Variants in CRAMP1 observed in about 807,000 individuals in gnomAD.
CRAMP1 encodes protein cramped-like.
Under a neutral mutation model 115.4 loss-of-function variants are expected in CRAMP1, and 50 were observed. The ratio of observed to expected loss-of-function variants is 0.43; its 90% CI spans 0.35 to 0.55. CRAMP1 has a LOEUF of 0.55. Among genes scored for constraint, CRAMP1 ranks in the 20% least tolerant of loss-of-function variants. CRAMP1 has a pLI of 0.01. For synonymous variants in CRAMP1, 866 were observed against 745.4 expected, an observed-to-expected ratio of 1.16 and a Z score of -2.64; for missense variants, 1,679 against 1,721.7, an observed-to-expected ratio of 0.98 and a Z score of 0.44.
chr16:1,667,220 C>A, intron 16 of CRAMP1, 115 bp from the exon 17 acceptor site: 1 of 758,368 alleles, frequency 1.3e-6, no homozygotes, highest in Non-Finnish European at 2.3e-6. Context: ...TGTCCCTCTG[C>A]TGTTAGGAGG....
chr16:1,626,071 T>C lies in CRAMP1; in HGVS notation c.445T>C (p.Ser149Pro). Residue 149 changes from serine (S) to proline (P), a missense_variant, in exon 3 of 21, where the codon TCT becomes CCT. Physicochemically the swap from Ser to Pro is moderately conservative, Grantham distance 74. Around this residue, in one of 8 missense-constraint regions of CRAMP1, gnomAD observed 264 missense variants for 229.7 expected, o/e 1.15. Coordinates refer to ENST00000397412, the MANE Select transcript of CRAMP1 (RefSeq NM_020825.4). ...CTCCTCCTCCCGGAACTTAGGGTCT[T>C]CTGGTGGCGAGAAGGAAGAAGGCAA... ...SRSSSRNLGS[S>P]GGEKEEGKKV... 3 of 1,551,428 alleles carry C rather than the reference T, an allele frequency of 1.9e-6. No individual in the cohort carries two copies. Among genetic ancestry groups the C allele is most frequent in the Non-Finnish European group, 2.6e-6 (3 of 1,146,842 alleles).
chr16:1,613,246 T>C (rs1379769911), intron 1 of CRAMP1, among the ~76,000 whole-genome samples: 1 of 148,708 alleles, frequency 6.7e-6, no homozygotes, highest in Admixed American at 6.8e-5. Flanking sequence ...GCAGAGTTTT[T>C]TTTAAAACTA....
intron 5 of CRAMP1, among the ~76,000 whole-genome samples, chr16:1,638,760 T>TA (rs1307748306): frequency 6.6e-6 from 1 of 152,004 alleles, no homozygotes. Flanking sequence ...AGAGGACAGA[T>TA]ACGGAGCAGT....
chr16:1,656,919 C>A lies in CRAMP1; in HGVS notation c.2162C>A (p.Pro721His), dbSNP rs1335872676. 1.3e-6 allele frequency: 2 copies of A among 1,555,154 alleles called. No homozygotes were observed. The highest frequency in any genetic ancestry group is 1.7e-6 in the Non-Finnish European group (2 of 1,149,962). ...GRQDPRPGSL[P>H]TALHKQRLLS... ...CAGGACCCCCGCCCCGGCTCCCTAC[C>A]CACCGCCCTCCACAAGCAGCGCCTC... Residue 721 changes from proline (P) to histidine (H), a missense_variant, in exon 10 of 21, where the codon CCC becomes CAC. Coordinates refer to ENST00000397412, the MANE Select transcript of CRAMP1 (RefSeq NM_020825.4). The surrounding 1 kb of genome is among the most constrained non-coding windows in gnomAD (Gnocchi z 5.6).
intron 5 of CRAMP1, among the ~76,000 whole-genome samples, chr16:1,639,927 T>A (rs551238782): frequency 1.3e-5 from 2 of 152,336 alleles, no homozygotes; most frequent in Non-Finnish European, 2.9e-5. Flanking sequence ...TCAAGTTTGA[T>A]GAAAATAAAT....
chr16:1,618,742 T>C (rs1596480936), intron 2 of CRAMP1, among the ~76,000 whole-genome samples: 2 of 152,332 alleles, frequency 1.3e-5, no homozygotes, highest in Middle Eastern at 3.4e-3. Context: ...TAAGAGATTG[T>C]ACCTGTAGTC....
rs754488721 is a variant in CRAMP1, at chr16:1,672,665, C to T, written c.3646-1216C>T. Among the ~76,000 whole-genome samples the T allele has an allele frequency of 6.6e-6, 1 of 152,228 alleles. No individual in the cohort carries two copies. The highest frequency in any genetic ancestry group is 1.5e-5 in the Non-Finnish European group (1 of 68,046). On this transcript the variant is annotated intron_variant, in intron 20 of 20. Transcript: ENST00000397412. This position sits in a 1 kb window ranked among gnomAD's most constrained non-coding sequence, Gnocchi z 4.9. ...TCCAGACTTCTTGCATTCACAGTGT[C>T]ATGCAGTTCATTAAGGGATATTTCT... is the stretch of plus-strand genomic sequence containing the variant.
intron 5 of CRAMP1, among the ~76,000 whole-genome samples, chr16:1,638,736 G>A (rs530949983): frequency 2.6e-5 from 4 of 152,142 alleles, no homozygotes; most frequent in African/African-American, 7.2e-5. Context: ...AGCTCAGGGC[G>A]GGTGGTGGGG....
In CRAMP1 at chr16:1,612,926, C is replaced by T. The variant is rs571606366; in HGVS notation, c.-2+269C>T. On this transcript the variant is annotated intron_variant, in intron 1 of 20. Transcript: ENST00000397412. The stretch of plus-strand genomic sequence containing the variant: ...GAGGCCATCCCCCTGCTTGTTGGCC[C>T]TTAGGGTAAAGTCTGGACGGCGTCG... Among the ~76,000 whole-genome samples the T allele has an allele frequency of 1.2e-4, 18 of 152,178 alleles. No individual in the cohort carries two copies. In the East Asian group the frequency reaches 2.9e-3, roughly 25 times the overall value.
At chr16:1,633,837 AG>A (rs533133783) in intron 4 of CRAMP1, among the ~76,000 whole-genome samples, 55 of 152,316 alleles carry the variant, frequency 3.6e-4, no homozygotes, top group African/African-American at 1.3e-3. Context: ...TGGGAGGCAG[AG>A]GCGGGCGGAT....
In CRAMP1 at chr16:1,624,209, A is replaced by G. The variant is rs572778377; in HGVS notation, c.347-1764A>G. Among the ~76,000 whole-genome samples the G allele has an allele frequency of 9.3e-5, 14 of 151,022 alleles. No individual in the cohort carries two copies. In the East Asian group the frequency reaches 9.8e-4, roughly 11 times the overall value. On this transcript the variant is annotated intron_variant, in intron 2 of 20. Coordinates refer to ENST00000397412, the MANE Select transcript of CRAMP1 (RefSeq NM_020825.4). ...ACTCTGTTGCCCAGACTGGTGTGCA[A>G]TGGCACGATCTCTGCTCACTGCAAC...
chr16:1,621,571 G>A lies in CRAMP1; in HGVS notation c.347-4402G>A, dbSNP rs554921249. ...AGGACCTGGGTCCCAGCAGCCTGGGGTGTGCTGTCTGGGGCTGCCGAGGGG... is the reference window on the plus strand; with the variant it reads ...AGGACCTGGGTCCCAGCAGCCTGGGATGTGCTGTCTGGGGCTGCCGAGGGG... On this transcript the variant is annotated intron_variant, in intron 2 of 20. Coordinates refer to ENST00000397412, the MANE Select transcript of CRAMP1 (RefSeq NM_020825.4). Among the ~76,000 whole-genome samples, 5 of 152,322 alleles carry A rather than the reference G, an allele frequency of 3.3e-5. No individual in the cohort carries two copies. In the South Asian group the frequency reaches 1.0e-3, roughly 32 times the overall value.
chr16:1,647,666 C>G (rs911935701), intron 6 of CRAMP1, among the ~76,000 whole-genome samples: 1 of 150,456 alleles, frequency 6.6e-6, no homozygotes, highest in African/African-American at 2.5e-5. Context: ...CGCCTAAGGC[C>G]CTGGATTGGG....
At chr16:1,623,557 C>T (rs556629212) in intron 2 of CRAMP1, among the ~76,000 whole-genome samples, 9 of 152,198 alleles carry the variant, frequency 5.9e-5, no homozygotes, top group Non-Finnish European at 1.0e-4. Context: ...AAACCTGATA[C>T]GTAACGGCAG....
intron 5 of CRAMP1, among the ~76,000 whole-genome samples, chr16:1,638,808 C>G (rs890808626): frequency 6.6e-6 from 1 of 151,976 alleles, no homozygotes; most frequent in Non-Finnish European, 1.5e-5. Flanking sequence ...CACTCTGTCC[C>G]CTTGCTGCCC....
chr16:1,635,178 G>A (rs778701342), intron 4 of CRAMP1, among the ~76,000 whole-genome samples: 7 of 152,152 alleles, frequency 4.6e-5, no homozygotes, highest in African/African-American at 1.2e-4. Flanking sequence ...GATTACAGGC[G>A]TGAGCCACCA....
chr16:1,616,869 C>T (rs542359690), intron 2 of CRAMP1, among the ~76,000 whole-genome samples: 1 of 150,934 alleles, frequency 6.6e-6, no homozygotes, highest in South Asian at 2.1e-4. Flanking sequence ...GGCTGGAGTG[C>T]AGTGGTGCGA....
intron 2 of CRAMP1, chr16:1,625,768 G>T: frequency 1.9e-6 from 1 of 516,004 alleles, no homozygotes; most frequent in Admixed American, 3.7e-5. Context: ...AAACATTTGA[G>T]GGTCATTTGG....
At position 1,667,377 on chromosome 16, in the gene CRAMP1, G is replaced by T; in HGVS notation, c.3079G>T (p.Glu1027Ter). Residue 1027 changes from glutamate to a stop codon, truncating the protein, a stop_gained, in exon 17 of 21, where the codon GAG becomes TAG. Coordinates refer to ENST00000397412, the MANE Select transcript of CRAMP1 (RefSeq NM_020825.4). LOFTEE classifies it high-confidence loss of function. ...FVSIPSRPEQ[E>*]PVADSFQGSS... ...CAGCATCCCTTCGAGGCCTGAGCAG[G>T]AGCCAGTGGCAGACAGTTTCCAGGT... The T allele has an allele frequency of 6.2e-7, 1 of 1,613,102 alleles. No individual in the cohort carries two copies.
Sources: gnomAD v4.1 joint callset for allele counts (sites outside exome capture counted in the v4.1 genomes callset) on GRCh38, gnomAD v4.1.1 for gene constraint, gnomAD v4.1.1 regional missense constraint, Gnocchi (gnomAD v3.1) non-coding constraint, MANE v1.5 for transcripts, NCBI Gene and HGNC (gene_info 2026-07-23, HGNC 2026-07-21) for gene names.